Variants in LHFPL6 observed in about 807,000 individuals in gnomAD.
LHFPL6 encodes the protein LHFPL tetraspan subfamily member 6.
Under a neutral mutation model 20.6 loss-of-function variants are expected in LHFPL6, and 9 were observed. The ratio of observed to expected loss-of-function variants is 0.44; its 90% confidence interval spans 0.26 to 0.76. The LOEUF (loss-of-function observed/expected upper bound fraction) is 0.76. Among genes scored for constraint, LHFPL6 ranks in the 30% least tolerant of loss-of-function variants. The pLI, the probability that LHFPL6 is intolerant of heterozygous loss-of-function variation, is 0.20. For missense variants in LHFPL6, 218 were observed against 253.5 expected, an observed-to-expected ratio of 0.86 and a Z score of 0.95; for synonymous variants, 105 against 98.7, an observed-to-expected ratio of 1.06 and a Z score of -0.38.
intron 2 of LHFPL6, among the ~76,000 whole-genome samples, chr13:39,552,812 GT>G (rs765274542): frequency 7.2e-5 from 11 of 152,178 alleles, no homozygotes; most frequent in Non-Finnish European, 1.6e-4. Flanking sequence ...TATTTAGCCA[GT>G]TTTTTTAATT....
intron 3 of LHFPL6, among the ~76,000 whole-genome samples, chr13:39,368,278 C>T (rs1252637937): frequency 2.6e-5 from 2 of 75,582 alleles, no homozygotes; most frequent in South Asian, 5.1e-4. Context: ...TTGCAGTGGG[C>T]GGTGGAGGAA....
At chr13:39,393,622 G>A (rs1289555833) in intron 2 of LHFPL6, among the ~76,000 whole-genome samples, 10 of 152,158 alleles carry the variant, frequency 6.6e-5, no homozygotes, top group African/African-American at 1.2e-4. Context: ...AATGACCCTC[G>A]CAGAAGGTCA....
intron 2 of LHFPL6, among the ~76,000 whole-genome samples, chr13:39,563,703 T>C (rs1000458658): frequency 2.0e-5 from 3 of 151,810 alleles, no homozygotes; most frequent in African/African-American, 7.3e-5. Flanking sequence ...GATTGGGAGG[T>C]TTTTGCTCCT....
chr13:39,484,488 A>T (rs1868648004), intron 2 of LHFPL6, among the ~76,000 whole-genome samples: 1 of 152,184 alleles, frequency 6.6e-6, no homozygotes, highest in South Asian at 2.1e-4. Flanking sequence ...TTCTCCTGGG[A>T]AAAATCATCC....
In LHFPL6 at chr13:39,538,438, G is replaced by C. The variant is rs1040321528; in HGVS notation, c.385+62394C>G. 9.4e-5 allele frequency among the ~76,000 whole-genome samples: 14 copies of C among 148,812 alleles called. No individual in the cohort carries two copies. The East Asian group carries it at 2.8e-3, about 29-fold the overall frequency. On this transcript the variant is annotated intron_variant, in intron 2 of 3. Transcript: ENST00000379589. ...AACCATGTTTAACCTGAATTCAATT[G>C]AGATCTAACTTCCAGTTTAAGTAAA... is the stretch of plus-strand genomic sequence containing the variant.
Position 39,343,715 on chromosome 13 carries a change from T to C in LHFPL6, c.*221A>G, listed in dbSNP as rs1388724916. ...GCCCTGCAATATTTTTAGCCTTTGG[T>C]CCATTTTTCTCCATCATTCTATACT... On this transcript the variant is annotated 3_prime_UTR_variant, in exon 4 of 4. Transcript: ENST00000379589. 2 of 475,496 alleles carry C rather than the reference T, an allele frequency of 4.2e-6. No homozygotes were observed. The highest frequency in any genetic ancestry group is 7.5e-6 in the Non-Finnish European group (2 of 267,542). 29.5% of individuals were successfully genotyped at this position (475,496 alleles called of 1,614,324 possible).
In LHFPL6 at chr13:39,406,570, C is replaced by T. The variant is rs542138683; in HGVS notation, c.386-28044G>A. Among the ~76,000 whole-genome samples the T allele has an allele frequency of 9.9e-5, 15 of 151,816 alleles. 1 individual carries two copies. Among genetic ancestry groups the T allele is most frequent in the South Asian group, 4.2e-4 (2 of 4,798 alleles). On this transcript the variant is annotated intron_variant, in intron 2 of 3. Coordinates refer to ENST00000379589, the MANE Select transcript of LHFPL6 (RefSeq NM_005780.3). ...AATGCAACAAATTAAAGTACAAACA[C>T]GGTGGATCCTAAGTTATCTCAAGTT...
At chr13:39,450,702 G>A (rs111624330) in intron 2 of LHFPL6, among the ~76,000 whole-genome samples, 184 of 152,260 alleles carry the variant, frequency 1.2e-3, no homozygotes, top group African/African-American at 4.2e-3. Flanking sequence ...TGGTAGGTCT[G>A]AACCAAGTGA....
At position 39,510,891 on chromosome 13, in the gene LHFPL6, A is replaced by C. The variant is rs117188832; in HGVS notation, c.385+89941T>G. Among the ~76,000 whole-genome samples, 343 of 149,270 alleles carry C rather than the reference A, an allele frequency of 2.3e-3. 4 individuals carry two copies. In the East Asian group the frequency reaches 0.033, roughly 14 times the overall value. On this transcript the variant is annotated intron_variant, in intron 2 of 3. Transcript: ENST00000379589. ...CTTTAAATTTTTTTTTTTTCTTTTG[A>C]GAGGGAGTTTCGCTCTTATTGCCCA...
At position 39,361,303 on chromosome 13, in the gene LHFPL6, AT is replaced by A. The variant is rs1283539537; in HGVS notation, c.484+17124del. 2.3e-5 allele frequency among the ~76,000 whole-genome samples: 2 copies of A among 88,432 alleles called. 1 individual carries two copies. Among genetic ancestry groups the A allele is most frequent in the African/African-American group, 6.3e-5 (2 of 31,940 alleles). The allele number at this position is 88,432 out of a possible 152,430, so 58.0% of individuals were successfully genotyped here. A position where few individuals can be genotyped will look rare whatever the true frequency, so the allele number is the denominator to read the frequency against. On this transcript the variant is annotated intron_variant, in intron 3 of 3. Transcript: ENST00000379589. ...CTTTCAAATTTTGAGCCTCTGAAGAATTTTTTTTAATTTTTTTTATTTTTTT... is the reference window on the plus strand; with the variant it reads ...CTTTCAAATTTTGAGCCTCTGAAGAATTTTTTTAATTTTTTTTATTTTTTT...
chr13:39,439,558 T>C (rs1197645288), intron 2 of LHFPL6, among the ~76,000 whole-genome samples: 6 of 152,124 alleles, frequency 3.9e-5, no homozygotes, highest in Non-Finnish European at 8.8e-5. Context: ...ATAATATGGT[T>C]TGGATCTTTG....
chr13:39,479,170 A>G (rs1326838570), intron 2 of LHFPL6, among the ~76,000 whole-genome samples: 2 of 147,382 alleles, frequency 1.4e-5, no homozygotes, highest in African/African-American at 2.5e-5. Flanking sequence ...TATATATACA[A>G]TTCTCTTTCT....
At chr13:39,350,622 A>C (rs1566090953) in intron 3 of LHFPL6, among the ~76,000 whole-genome samples, 1 of 152,240 alleles carries the variant, frequency 6.6e-6, no homozygotes, top group Non-Finnish European at 1.5e-5. Flanking sequence ...TGATCCTTTC[A>C]GGAAATTAGA....
intron 2 of LHFPL6, among the ~76,000 whole-genome samples, chr13:39,485,330 A>C (rs1364393728): frequency 6.6e-6 from 1 of 152,210 alleles, no homozygotes; most frequent in Non-Finnish European, 1.5e-5. Flanking sequence ...TCAGATTCAG[A>C]GAAATGGGTT....
intron 2 of LHFPL6, among the ~76,000 whole-genome samples, chr13:39,385,531 C>T (rs1303347417): frequency 2.0e-5 from 3 of 152,250 alleles, no homozygotes; most frequent in African/African-American, 4.8e-5. Context: ...CCGTAAACCA[C>T]CTACAGGAGC....
intron 2 of LHFPL6, among the ~76,000 whole-genome samples, chr13:39,396,737 A>T (rs1033253079): frequency 1.3e-5 from 2 of 152,210 alleles, no homozygotes; most frequent in Admixed American, 6.5e-5. Context: ...TCAAGGCTGC[A>T]GTAAACTGTG....
chr13:39,463,580 A>G (rs1346837971), intron 2 of LHFPL6, among the ~76,000 whole-genome samples: 1 of 152,172 alleles, frequency 6.6e-6, no homozygotes, highest in African/African-American at 2.4e-5. Context: ...CTTAATCTCC[A>G]GGTAGGTGCC....
At chr13:39,528,075 C>A (rs867196648) in intron 2 of LHFPL6, among the ~76,000 whole-genome samples, 75 of 152,158 alleles carry the variant, frequency 4.9e-4, no homozygotes, top group African/African-American at 1.8e-3. Context: ...ATATGACCCT[C>A]ACAAGAAGGG....
chr13:39,347,000 A>G (rs1277729516), intron 3 of LHFPL6, among the ~76,000 whole-genome samples: 1 of 150,706 alleles, frequency 6.6e-6, no homozygotes, highest in Non-Finnish European at 1.5e-5. Flanking sequence ...GAATCACTTG[A>G]ACCCGGGAGG....
Sources: gnomAD v4.1 joint callset for allele counts (sites outside exome capture counted in the v4.1 genomes callset) on GRCh38, gnomAD v4.1.1 for gene constraint, MANE v1.5 for transcripts, NCBI Gene and HGNC (gene_info 2026-07-23, HGNC 2026-07-21) for gene names.